Variants in HSPA4 observed in about 807,000 individuals in gnomAD.
HSPA4 encodes heat shock protein family A (Hsp70) member 4.
Under a neutral mutation model 106.2 loss-of-function variants are expected in HSPA4, and 25 were observed. The observed-to-expected ratio is 0.24, with a 90% CI of 0.17 to 0.33. HSPA4 has a LOEUF of 0.33. Ranked by LOEUF, HSPA4 falls within the 10% of genes least tolerant of loss-of-function variation. The pLI is 1.00. For missense variants in HSPA4, 841 were observed against 996.0 expected (o/e 0.84, Z 2.10); for synonymous variants, 332 against 333.6 (o/e 1.00, Z 0.05).
intron 6 of HSPA4, among the ~76,000 whole-genome samples, chr5:133,075,000 A>G (rs1188953090): frequency 6.6e-6 from 1 of 152,128 alleles, no homozygotes; most frequent in East Asian, 1.9e-4. Context: ...CCCATTGGAG[A>G]TTGGTGGAGA....
intron 7 of HSPA4, among the ~76,000 whole-genome samples, chr5:133,085,489 T>TTAAAAAAAAAAAAAAAAAAAAAAAAAA (rs1554089513): frequency 9.1e-5 from 10 of 110,268 alleles, no homozygotes; most frequent in African/African-American, 4.5e-4. Context: ...CCATCTCTAC[T>TTAAAAAAAAAAAAAAAAAAAAAAAAAA]AAAAAAAAAA....
At chr5:133,054,949 A>G (rs1457710785) in intron 1 of HSPA4, among the ~76,000 whole-genome samples, 1 of 152,186 alleles carries the variant, frequency 6.6e-6, no homozygotes, top group Non-Finnish European at 1.5e-5. Context: ...ATGGGGAAGA[A>G]CAGTGTTCCT....
In HSPA4 at chr5:133,096,169, C is replaced by A; in HGVS notation, c.1722C>A (p.Thr574=). 4.3e-6 allele frequency: 7 copies of A among 1,613,842 alleles called. No individual in the cohort carries two copies. The highest frequency in any genetic ancestry group is 5.9e-6 in the Non-Finnish European group (7 of 1,179,824). ...AAGCCAAGAAGGCAAAAGTGAAGAC[C>A]AGTACTGTGGACCTGCCAATCGAGA... ...PPQAKKAKVK[T]STVDLPIENQ... The change falls in exon 14 of 19, where the codon ACC becomes ACA. Residue 574 remains threonine, a synonymous_variant. Transcript: ENST00000304858.
chr5:133,103,931 A>G lies in HSPA4; in HGVS notation c.2224A>G (p.Met742Val), dbSNP rs1425741142. 3.1e-6 allele frequency: 5 copies of G among 1,613,918 alleles called. No homozygotes were observed. In the African/African-American group the frequency reaches 4.0e-5, roughly 13 times the overall value. ...TKVEKSTNEA[M>V]EWMNNKLNLQ... ...GGTAGAAAAAAGCACAAATGAAGCA[A>G]TGGAGTGGATGAATAACAAGCTAAA... The change falls in exon 18 of 19, where the codon ATG becomes GTG. Residue 742 changes from methionine to valine, a missense_variant. By Grantham distance (21) the Met-to-Val change is conservative (BLOSUM62 1). This residue lies in a region of HSPA4 where 328 missense variants were observed against 372.2 expected (regional missense o/e 0.88). Coordinates refer to ENST00000304858, the MANE Select transcript of HSPA4 (RefSeq NM_002154.4).
intron 16 of HSPA4, among the ~76,000 whole-genome samples, chr5:133,100,753 C>G (rs1765774951): frequency 6.6e-6 from 1 of 152,162 alleles, no homozygotes; most frequent in African/African-American, 2.4e-5. Flanking sequence ...GTTGCAGATG[C>G]ACAAGAATGA....
chr5:133,082,001 G>A (rs1482175443), intron 7 of HSPA4, among the ~76,000 whole-genome samples: 2 of 152,082 alleles, frequency 1.3e-5, no homozygotes, highest in Non-Finnish European at 2.9e-5. Flanking sequence ...ACTCATAATA[G>A]ACAAAAAGTG....
intron 6 of HSPA4, among the ~76,000 whole-genome samples, chr5:133,075,051 T>G (rs1267425786): frequency 1.3e-5 from 2 of 152,218 alleles, no homozygotes; most frequent in Non-Finnish European, 2.9e-5. Flanking sequence ...TTTGGAGGCA[T>G]TTTGAGACTT....
chr5:133,070,241 T>A, intron 3 of HSPA4, 133 bp from the exon 4 acceptor site: 1 of 671,330 alleles, frequency 1.5e-6, no homozygotes, highest in Non-Finnish European at 2.3e-6. Flanking sequence ...AAAACTAGCT[T>A]TTTTTTTTTT....
chr5:133,059,303 C>T (rs1765207010), intron 1 of HSPA4, among the ~76,000 whole-genome samples: 1 of 151,672 alleles, frequency 6.6e-6, no homozygotes, highest in Non-Finnish European at 1.5e-5. Context: ...AAAAAATTAG[C>T]TGGGTGTGGT....
chr5:133,055,307 A>ATTTTTTTTTTTTTTTTTTTTTTTTT (rs397999293), intron 1 of HSPA4, among the ~76,000 whole-genome samples: 1 of 60,106 alleles, frequency 1.7e-5, no homozygotes, highest in Non-Finnish European at 3.1e-5. Context: ...AGGAAGGTTG[A>ATTTTTTTTTTTTTTTTTTTTTTTTT]TTTTTTTTTT....
intron 7 of HSPA4, among the ~76,000 whole-genome samples, chr5:133,083,325 A>G (rs1354052846): frequency 6.6e-6 from 1 of 151,804 alleles, no homozygotes; most frequent in Non-Finnish European, 1.5e-5. Context: ...AAAACAAACA[A>G]ACCCCTACCG....
intron 18 of HSPA4, 54 bp from the exon 19 acceptor site, chr5:133,104,179 T>G (rs1765825572): frequency 6.4e-7 from 1 of 1,569,588 alleles, no homozygotes; most frequent in South Asian, 1.1e-5. Context: ...TTAGCATGGC[T>G]TGTAAAATTT....
intron 1 of HSPA4, among the ~76,000 whole-genome samples, chr5:133,062,600 C>G (rs1765257849): frequency 6.6e-6 from 1 of 151,894 alleles, no homozygotes; most frequent in African/African-American, 2.4e-5. Flanking sequence ...GTGTCTAAAA[C>G]AGAGATTTTA....
At chr5:133,074,999 G>A (rs547536630) in intron 6 of HSPA4, among the ~76,000 whole-genome samples, 254 of 152,296 alleles carry the variant, frequency 1.7e-3, no homozygotes, top group Admixed American at 3.9e-3. Flanking sequence ...ACCCATTGGA[G>A]ATTGGTGGAG....
intron 16 of HSPA4, among the ~76,000 whole-genome samples, chr5:133,100,247 A>T (rs1027765206): frequency 6.6e-6 from 1 of 151,316 alleles, no homozygotes; most frequent in African/African-American, 2.4e-5. Flanking sequence ...TATTTTTAGT[A>T]GAGACAGGGT....
intron 4 of HSPA4, among the ~76,000 whole-genome samples, chr5:133,071,114 C>G (rs1448464553): frequency 6.6e-6 from 1 of 151,304 alleles, no homozygotes; most frequent in African/African-American, 2.4e-5. Flanking sequence ...AGTTGGATAC[C>G]CCTAATTGTA....
intron 6 of HSPA4, among the ~76,000 whole-genome samples, chr5:133,074,383 A>T (rs1581470972): frequency 6.6e-6 from 1 of 151,114 alleles, no homozygotes; most frequent in Non-Finnish European, 1.5e-5. Flanking sequence ...GGTTCAAGCG[A>T]TTCTCCTGCC....
rs781019244 is a variant in HSPA4 at position 133,086,778 on chromosome 5, A to G, written c.909-4A>G. 1.9e-6 allele frequency: 3 copies of G among 1,610,096 alleles called. No individual in the cohort carries two copies. The highest frequency in any genetic ancestry group is 2.2e-5 in the East Asian group (1 of 44,824). ...TGTTTTTTGTTTTGTTTTGTTTTTTATAGAGGCAAATTTCTGGAGATGTGC... is the reference window on the plus strand; with the variant it reads ...TGTTTTTTGTTTTGTTTTGTTTTTTGTAGAGGCAAATTTCTGGAGATGTGC... On this transcript the variant is annotated splice_polypyrimidine_tract_variant and splice_region_variant and intron_variant, in intron 7 of 18. Coordinates refer to ENST00000304858, the MANE Select transcript of HSPA4 (RefSeq NM_002154.4).
At chr5:133,103,045 C>T (rs1176582676) in intron 17 of HSPA4, among the ~76,000 whole-genome samples, 2 of 151,186 alleles carry the variant, frequency 1.3e-5, no homozygotes, top group African/African-American at 2.4e-5. Context: ...TCAGGCCCCT[C>T]CTTTTTTTGT....
Sources: gnomAD v4.1 joint callset for allele counts (sites outside exome capture counted in the v4.1 genomes callset) on GRCh38, gnomAD v4.1.1 for gene constraint, gnomAD v4.1.1 regional missense constraint, MANE v1.5 for transcripts, NCBI Gene and HGNC (gene_info 2026-07-23, HGNC 2026-07-21) for gene names.